Variants in LGR6 observed in about 807,000 individuals in gnomAD.
LGR6 encodes leucine-rich repeat-containing G protein-coupled receptor 6.
In LGR6, 45 loss-of-function variants were observed where a neutral mutation model predicts 69.4. That is an observed-to-expected ratio of 0.65 (90% CI 0.51 to 0.83). LGR6 has a LOEUF of 0.83. Among genes scored for constraint, LGR6 ranks in the 40% least tolerant of loss-of-function variants. LGR6 has a pLI of 0.00. For missense variants in LGR6, 1,108 were observed against 1,246.7 expected (o/e 0.89, Z 1.68); for synonymous variants, 538 against 555.0 (o/e 0.97, Z 0.43).
At chr1:202,252,591 C>G (rs989177081) in intron 4 of LGR6, among the ~76,000 whole-genome samples, 1 of 152,172 alleles carries the variant, frequency 6.6e-6, no homozygotes, top group Non-Finnish European at 1.5e-5. Flanking sequence ...CTACCTGCTG[C>G]CAGGGGCATG....
In LGR6 at chr1:202,276,338, C is replaced by T. The variant is rs767272936; in HGVS notation, c.461C>T (p.Pro154Leu). The change falls in exon 5 of 18, where the codon CCG (proline) becomes CTG (leucine). Residue 154 changes from proline (P) to leucine (L), a missense_variant. By Grantham distance (98) the Pro-to-Leu change is moderately conservative (BLOSUM62 -3). Transcript: ENST00000367278. ...GATGCCAACCTCATCTCCCTGGTCC[C>T]GGAGAGGAGCTTTGAGGGGCTGTCC... Reference protein sequence around the residue: ...RLDANLISLVPERSFEGLSSL... With the variant: ...RLDANLISLVLERSFEGLSSL... 61 of 1,614,016 alleles carry T rather than the reference C, an allele frequency of 3.8e-5. No homozygotes were observed. Among genetic ancestry groups the T allele is most frequent in the Non-Finnish European group, 4.7e-5 (56 of 1,180,010 alleles).
intron 6 of LGR6, among the ~76,000 whole-genome samples, chr1:202,288,554 G>A (rs550681436): frequency 3.3e-5 from 5 of 152,240 alleles, no homozygotes; most frequent in South Asian, 4.1e-4. Context: ...GCATTGGACC[G>A]TCTAACATCT....
intron 2 of LGR6, 80 bp from the exon 3 acceptor site, chr1:202,227,856 T>A (rs1236904274): frequency 1.0e-6 from 1 of 956,880 alleles, no homozygotes; most frequent in Non-Finnish European, 1.7e-6. Flanking sequence ...CCTTCCCGTA[T>A]CTCAAGACAC....
chr1:202,291,098 C>T (rs1040334089), intron 6 of LGR6, among the ~76,000 whole-genome samples: 1 of 152,144 alleles, frequency 6.6e-6, no homozygotes, highest in African/African-American at 2.4e-5. Flanking sequence ...ATGGATTTGC[C>T]ATTTGTTTTG....
In LGR6 at chr1:202,268,927, A is replaced by G. The variant is rs75575108; in HGVS notation, c.429-7379A>G. On this transcript the variant is annotated intron_variant, in intron 4 of 17. Coordinates refer to ENST00000367278, the MANE Select transcript of LGR6 (RefSeq NM_001017403.2). The surrounding 1 kb of genome is among the most constrained non-coding windows in gnomAD (Gnocchi z 4.4). ...AGTTTTTTGTTTGTTTGTTTTGGAA[A>G]TAGGGTCTCACTTTGTTGCCCAGGC... 0.016 allele frequency among the ~76,000 whole-genome samples: 2,503 copies of G among 152,218 alleles called. 78 individuals are homozygous for G. The highest frequency in any genetic ancestry group is 0.057 in the African/African-American group (2,354 of 41,502).
chr1:202,307,627 A>C (rs933878949), intron 14 of LGR6, among the ~76,000 whole-genome samples: 2 of 152,186 alleles, frequency 1.3e-5, no homozygotes, highest in African/African-American at 4.8e-5. Flanking sequence ...AATGTTCTGC[A>C]GTATTTTGGC....
At chr1:202,281,744 C>A (rs570831127) in intron 6 of LGR6, among the ~76,000 whole-genome samples, 1 of 150,892 alleles carries the variant, frequency 6.6e-6, no homozygotes, top group South Asian at 2.1e-4. Flanking sequence ...GTTTCTCTTA[C>A]CCCCCACTTG....
intron 6 of LGR6, 75 bp downstream of exon 6, chr1:202,280,927 C>A: frequency 7.2e-7 from 1 of 1,382,088 alleles, no homozygotes; most frequent in Admixed American, 1.8e-5. Flanking sequence ...GGAGGGAGCA[C>A]ACAGAGGGAA....
chr1:202,291,493 C>T (rs1666789764), intron 6 of LGR6, among the ~76,000 whole-genome samples: 1 of 152,222 alleles, frequency 6.6e-6, no homozygotes, highest in Non-Finnish European at 1.5e-5. Flanking sequence ...TGAGACCCTG[C>T]ACAGTGGACT....
chr1:202,199,316 T>G (rs181843797), intron 1 of LGR6, among the ~76,000 whole-genome samples: 207 of 152,228 alleles, frequency 1.4e-3, no homozygotes, highest in Non-Finnish European at 2.2e-3. Flanking sequence ...GGGGCTCTCC[T>G]GTGCCAGCCT....
intron 3 of LGR6, among the ~76,000 whole-genome samples, chr1:202,235,273 T>G (rs1661443675): frequency 6.6e-6 from 1 of 152,016 alleles, no homozygotes; most frequent in African/African-American, 2.4e-5. Flanking sequence ...CATCGTGGGG[T>G]TTTGGGACTT....
intron 1 of LGR6, chr1:202,196,913 C>A: frequency 4.7e-6 from 2 of 429,900 alleles, no homozygotes; most frequent in South Asian, 3.6e-5. Context: ...GGACTTGGAG[C>A]CCAACCAGTT....
intron 6 of LGR6, among the ~76,000 whole-genome samples, chr1:202,283,336 G>T (rs1666156895): frequency 6.6e-6 from 1 of 152,164 alleles, no homozygotes; most frequent in South Asian, 2.1e-4. Flanking sequence ...AGCCTGCAGG[G>T]GCAGCCAGAT....
chr1:202,283,112 G>A (rs1453993235), intron 6 of LGR6, among the ~76,000 whole-genome samples: 1 of 152,070 alleles, frequency 6.6e-6, no homozygotes, highest in Non-Finnish European at 1.5e-5. Flanking sequence ...GTGAGATGAT[G>A]TGTGTAAAAT....
chr1:202,293,664 A>G (rs796774065), intron 6 of LGR6, among the ~76,000 whole-genome samples: 5 of 152,318 alleles, frequency 3.3e-5, no homozygotes, highest in African/African-American at 1.2e-4. Flanking sequence ...CACAGATTAC[A>G]TCTACATGGT....
chr1:202,229,004 C>A (rs1660793178), intron 3 of LGR6, among the ~76,000 whole-genome samples: 1 of 152,134 alleles, frequency 6.6e-6, no homozygotes, highest in Admixed American at 6.5e-5. Context: ...GGGGCTGAAT[C>A]CCGTCCTGTG....
intron 1 of LGR6, among the ~76,000 whole-genome samples, chr1:202,204,447 C>CT (rs1558003593): frequency 1.4e-5 from 1 of 70,146 alleles, no homozygotes. Flanking sequence ...ACACACACCT[C>CT]CACACACACA....
chr1:202,314,937 C>T (rs1301380282), intron 17 of LGR6, 55 bp downstream of exon 17: 13 of 1,298,072 alleles, frequency 1.0e-5, no homozygotes, highest in East Asian at 6.9e-5. Context: ...GGGCACCCAA[C>T]CACCTAGTTG....
intron 10 of LGR6, among the ~76,000 whole-genome samples, chr1:202,303,936 T>C (rs1667790489): frequency 6.6e-6 from 1 of 152,162 alleles, no homozygotes; most frequent in African/African-American, 2.4e-5. Context: ...TTCACTGGCA[T>C]GTGGAAAATT....
Sources: gnomAD v4.1 joint callset for allele counts (sites outside exome capture counted in the v4.1 genomes callset) on GRCh38, gnomAD v4.1.1 for gene constraint, Gnocchi (gnomAD v3.1) non-coding constraint, MANE v1.5 for transcripts, NCBI Gene and HGNC (gene_info 2026-07-23, HGNC 2026-07-21) for gene names.